Variants in IL16 observed in about 807,000 individuals in gnomAD.
IL16 encodes interleukin 16.
A neutral mutation model predicts 110.1 loss-of-function variants in IL16; 67 were observed. That is an observed-to-expected ratio of 0.61 (90% CI 0.50 to 0.75). The LOEUF (loss-of-function observed/expected upper bound fraction) is 0.75, where lower values mean the gene tolerates loss of function less well. Ranked by LOEUF, IL16 falls within the 30% of genes least tolerant of loss-of-function variation. IL16 has a pLI of 0.00. For missense variants in IL16, 1,545 were observed against 1,655.0 expected, an observed-to-expected ratio of 0.93 and a Z score of 1.15; for synonymous variants, 689 against 662.9, an observed-to-expected ratio of 1.04 and a Z score of -0.61.
chr15:81,254,022 G>A (rs1210271662), intron 2 of IL16, among the ~76,000 whole-genome samples: 1 of 152,202 alleles, frequency 6.6e-6, no homozygotes, highest in African/African-American at 2.4e-5. Context: ...CCTCATGACT[G>A]GAGGATCAAA....
At chr15:81,215,707 T>C (rs1352189844) in intron 1 of IL16, among the ~76,000 whole-genome samples, 1 of 152,150 alleles carries the variant, frequency 6.6e-6, no homozygotes, top group Non-Finnish European at 1.5e-5. Context: ...GAGGGAGGCA[T>C]AGCTTGTTCC....
chr15:81,202,971 T>G (rs1028463067), intron 1 of IL16, among the ~76,000 whole-genome samples: 39 of 151,928 alleles, frequency 2.6e-4, no homozygotes, highest in Non-Finnish European at 4.9e-4. Flanking sequence ...TTTCTCCACA[T>G]CCTCTCCAGC....
In IL16 at chr15:81,197,151, A is replaced by T; in HGVS notation, c.-103A>T. 1 of 1,287,674 alleles carries T rather than the reference A, an allele frequency of 7.8e-7. No individual in the cohort carries two copies. The highest frequency in any genetic ancestry group is 1.0e-6 in the Non-Finnish European group (1 of 987,898). 79.8% of individuals were successfully genotyped at this position (1,287,674 alleles called of 1,614,324 possible). A position where few individuals can be genotyped will look rare whatever the true frequency, so the allele number is the denominator to read the frequency against. ...GTGCATAGGGAGGTAGGTGGGCACC[A>T]GGTGAGTGAATGTCTGTCAGGCAGC... On this transcript the variant is annotated splice_region_variant and 5_prime_UTR_variant, in exon 1 of 19. Coordinates refer to ENST00000683961, the MANE Select transcript of IL16 (RefSeq NM_172217.5).
At chr15:81,250,737 G>T (rs764314911) in intron 2 of IL16, among the ~76,000 whole-genome samples, 18 of 152,182 alleles carry the variant, frequency 1.2e-4, no homozygotes, top group Admixed American at 5.9e-4. Flanking sequence ...TCTTGAAAAG[G>T]CCATCTGGTA....
At chr15:81,219,002 A>G (rs897759403) in intron 1 of IL16, among the ~76,000 whole-genome samples, 2 of 151,730 alleles carry the variant, frequency 1.3e-5, no homozygotes, top group Admixed American at 1.3e-4. Context: ...TATTTTCTTT[A>G]GCCTTCACGG....
At chr15:81,275,568 A>T in intron 6 of IL16, among the ~76,000 whole-genome samples, 1 of 152,052 alleles carries the variant, frequency 6.6e-6, no homozygotes. Flanking sequence ...GAAGGGTTGA[A>T]GTGGCAAGAA....
intron 1 of IL16, among the ~76,000 whole-genome samples, chr15:81,209,035 G>A (rs143274395): frequency 1.4e-4 from 21 of 152,156 alleles, no homozygotes; most frequent in Admixed American, 1.4e-3. Flanking sequence ...ATATGATGAT[G>A]ATTATTATTT....
intron 6 of IL16, among the ~76,000 whole-genome samples, chr15:81,273,810 C>A (rs1898768406): frequency 6.6e-6 from 1 of 151,930 alleles, no homozygotes; most frequent in African/African-American, 2.4e-5. Flanking sequence ...TTCCATCAAC[C>A]CACCCCCTCT....
Position 81,254,683 on chromosome 15 carries a change from T to C in IL16, c.313-5089T>C, listed in dbSNP as rs370609588. 4.6e-5 allele frequency among the ~76,000 whole-genome samples: 7 copies of C among 152,306 alleles called. No homozygotes were observed. The East Asian group carries it at 1.4e-3, about 29-fold the overall frequency. ...AGCCCCTGACCTCGATGACAAATCC[T>C]CAGCTCTGACAGCAGCCCCACCTTG... On this transcript the variant is annotated intron_variant, in intron 2 of 18. Coordinates refer to ENST00000683961, the MANE Select transcript of IL16 (RefSeq NM_172217.5).
At chr15:81,298,706 C>T (rs912839422) in intron 13 of IL16, among the ~76,000 whole-genome samples, 4 of 152,206 alleles carry the variant, frequency 2.6e-5, no homozygotes, top group African/African-American at 9.6e-5. Context: ...GGAGGGAAAA[C>T]ACTCCTTTGC....
At chr15:81,198,235 C>G (rs1269969225) in intron 1 of IL16, among the ~76,000 whole-genome samples, 1 of 152,160 alleles carries the variant, frequency 6.6e-6, no homozygotes, top group East Asian at 1.9e-4. Flanking sequence ...ACTCTTCAAG[C>G]CCCAGGCACC....
chr15:81,248,719 C>CTT (rs61480285), intron 2 of IL16, among the ~76,000 whole-genome samples: 1,296 of 112,218 alleles, frequency 0.012, 66 homozygotes, highest in African/African-American at 0.038. Context: ...TTCTTTCTTT[C>CTT]TTTTTTTTTT....
chr15:81,211,279 T>C, intron 1 of IL16, among the ~76,000 whole-genome samples: 1 of 151,084 alleles, frequency 6.6e-6, no homozygotes, highest in African/African-American at 2.4e-5. Flanking sequence ...GAGACAGAGT[T>C]TCACTCTTGT....
rs527417078 is a variant in IL16 at position 81,308,881 on chromosome 15, C to T, written c.*83C>T. ...CGCTGATTCTCAGGGTCTCTGCTGC[C>T]GCCCCACCCAGATGGGGGAAAGCAC... On this transcript the variant is annotated 3_prime_UTR_variant, in exon 19 of 19. Coordinates refer to ENST00000683961, the MANE Select transcript of IL16 (RefSeq NM_172217.5). The T allele has an allele frequency of 2.0e-5, 25 of 1,267,460 alleles. No individual in the cohort carries two copies. Among genetic ancestry groups the T allele is most frequent in the East Asian group, 5.0e-5 (2 of 39,876 alleles). The allele number at this position is 1,267,460 out of a possible 1,614,324, so 78.5% of individuals were successfully genotyped here.
intron 14 of IL16, among the ~76,000 whole-genome samples, chr15:81,301,052 TG>T (rs1458478431): frequency 6.6e-6 from 1 of 152,220 alleles, no homozygotes; most frequent in African/African-American, 2.4e-5. Flanking sequence ...AGACCTTCTA[TG>T]CAGAACCAAG....
intron 6 of IL16, 87 bp from the exon 7 acceptor site, chr15:81,278,730 C>T: frequency 1.1e-6 from 1 of 875,088 alleles, no homozygotes; most frequent in Non-Finnish European, 2.0e-6. Flanking sequence ...AAAAGCCGGG[C>T]AGTTGGGGAG....
At chr15:81,200,729 A>G (rs1034536174) in intron 1 of IL16, among the ~76,000 whole-genome samples, 5 of 152,104 alleles carry the variant, frequency 3.3e-5, no homozygotes, top group Admixed American at 2.0e-4. Context: ...TGGAGTTTGG[A>G]ATGGTGAAAA....
intron 2 of IL16, among the ~76,000 whole-genome samples, chr15:81,226,743 C>T (rs772774705): frequency 5.3e-5 from 8 of 152,172 alleles, no homozygotes; most frequent in Non-Finnish European, 8.8e-5. Flanking sequence ...ATATGTCCTG[C>T]ACTCACTTAA....
intron 9 of IL16, among the ~76,000 whole-genome samples, chr15:81,283,147 G>C (rs1899268354): frequency 6.6e-6 from 1 of 152,218 alleles, no homozygotes; most frequent in South Asian, 2.1e-4. Context: ...ACCAGACCGA[G>C]GTGGGGCGGC....
Sources: allele counts gnomAD v4.1 joint callset (sites outside exome capture counted in the v4.1 genomes callset), GRCh38; gene constraint gnomAD v4.1.1; transcripts MANE v1.5; gene names NCBI Gene and HGNC (gene_info 2026-07-23, HGNC 2026-07-21).